TMEM131: variants seen among roughly 807,000 people sequenced by gnomAD.
TMEM131 encodes the protein 2610524E03Rik.
TMEM131 carries 66 observed loss-of-function variants against 211.6 expected under a neutral mutation model. The observed-to-expected ratio is 0.31, with a 90% confidence interval of 0.26 to 0.38. The LOEUF is 0.38. TMEM131 is among the 10% of genes least tolerant of loss of function. The pLI is 1.00. For missense variants in TMEM131, 2,036 were observed against 2,299.3 expected (o/e 0.89, Z 2.34); for synonymous variants, 844 against 841.3 (o/e 1.00, Z -0.06).
chr2:97,894,565 T>G (rs563923824), intron 3 of TMEM131, among the ~76,000 whole-genome samples: 21 of 152,324 alleles, frequency 1.4e-4, no homozygotes, highest in African/African-American at 4.6e-4. Context: ...CCTTGAGCAG[T>G]GGTTTGTAGT....
intron 10 of TMEM131, 34 bp downstream of exon 10, chr2:97,834,587 A>C (rs1682853628): frequency 2.1e-6 from 3 of 1,456,798 alleles, no homozygotes; most frequent in Middle Eastern, 2.5e-4. Context: ...AAAAAAAAAA[A>C]CTCCATAAAG....
chr2:97,912,067 CAATTT>C (rs1350428349), intron 2 of TMEM131, among the ~76,000 whole-genome samples: 1 of 152,040 alleles, frequency 6.6e-6, no homozygotes, highest in East Asian at 1.9e-4. Context: ...CTAACTATAA[CAATTT>C]AATACAAAAT....
At chr2:97,772,572 A>G (rs1679518378) in intron 32 of TMEM131, 148 bp from the exon 33 acceptor site, 1 of 1,001,020 alleles carries the variant, frequency 1.0e-6, no homozygotes, top group South Asian at 1.7e-5. Flanking sequence ...ATCTGTCTTC[A>G]CTGCGGTTCT....
chr2:97,874,285 G>A (rs1014871922), intron 4 of TMEM131, among the ~76,000 whole-genome samples: 10 of 152,226 alleles, frequency 6.6e-5, no homozygotes, highest in African/African-American at 2.4e-4. Context: ...ATGGAACCAA[G>A]CTAGAAAACA....
intron 1 of TMEM131, among the ~76,000 whole-genome samples, chr2:97,941,463 A>C (rs949789293): frequency 2.0e-5 from 3 of 152,240 alleles, no homozygotes; most frequent in African/African-American, 7.2e-5. Context: ...CAAAAGCCAA[A>C]ATTGACAGAT....
chr2:97,775,813 C>T (rs765745295), intron 32 of TMEM131, 30 bp downstream of exon 32: 8 of 1,591,582 alleles, frequency 5.0e-6, no homozygotes, highest in South Asian at 1.1e-5. Flanking sequence ...CTTTCTCCCT[C>T]GTGTTTTGTT....
At chr2:97,902,922 G>C (rs1675919154) in intron 3 of TMEM131, among the ~76,000 whole-genome samples, 1 of 152,160 alleles carries the variant, frequency 6.6e-6, no homozygotes, top group Admixed American at 6.5e-5. Context: ...TCTTCAGTTT[G>C]GGACTCAGAC....
rs114797937 is a variant in TMEM131 at position 97,900,581 on chromosome 2, C to T, written c.290+8077G>A. 3.2e-3 allele frequency among the ~76,000 whole-genome samples: 485 copies of T among 152,064 alleles called. 2 individuals carry two copies. The highest frequency in any genetic ancestry group is 0.011 in the African/African-American group (462 of 41,546). ...GAATCCACACAGACACACACACATA[C>T]ACCCCCACATTTTCATTATCCACGT... On this transcript the variant is annotated intron_variant, in intron 3 of 40. Transcript: ENST00000186436.
chr2:97,948,939 G>A (rs1021991323), intron 1 of TMEM131, among the ~76,000 whole-genome samples: 10 of 152,200 alleles, frequency 6.6e-5, no homozygotes, highest in African/African-American at 9.7e-5. Flanking sequence ...TTACAGGCGT[G>A]AGCCACCGTG....
At chr2:97,868,448 T>C (rs963367462) in intron 4 of TMEM131, among the ~76,000 whole-genome samples, 10 of 152,208 alleles carry the variant, frequency 6.6e-5, no homozygotes, top group Non-Finnish European at 8.8e-5. Flanking sequence ...GTTTAGATTA[T>C]GTATATTTAA....
intron 2 of TMEM131, among the ~76,000 whole-genome samples, chr2:97,917,231 T>C (rs543047784): frequency 7.2e-5 from 11 of 152,312 alleles, no homozygotes; most frequent in African/African-American, 2.4e-4. Context: ...ATGACCAAAG[T>C]TGAATAGTTG....
chr2:97,980,659 A>T (rs1429910608), intron 1 of TMEM131, among the ~76,000 whole-genome samples: 3 of 152,196 alleles, frequency 2.0e-5, no homozygotes, highest in Non-Finnish European at 4.4e-5. Context: ...CCCAAACTGC[A>T]AACAACCCAA....
At chr2:97,852,198 G>A (rs1673653167) in intron 5 of TMEM131, among the ~76,000 whole-genome samples, 1 of 137,896 alleles carries the variant, frequency 7.3e-6, no homozygotes, top group Non-Finnish European at 1.5e-5. Flanking sequence ...AGTTTCGCTT[G>A]ATGCCCAGGC....
chr2:97,804,616 C>A (rs1056095023), intron 22 of TMEM131, among the ~76,000 whole-genome samples: 2 of 129,054 alleles, frequency 1.5e-5, no homozygotes, highest in Admixed American at 1.6e-4. Flanking sequence ...AGTGAGACTC[C>A]GTCTCAAAAA....
intron 1 of TMEM131, among the ~76,000 whole-genome samples, chr2:97,984,780 T>C (rs1679954100): frequency 6.6e-6 from 1 of 151,646 alleles, no homozygotes. Flanking sequence ...CATATCGATA[T>C]AATAGCTTTT....
chr2:97,818,774 G>A, intron 11 of TMEM131, 53 bp from the exon 12 acceptor site: 1 of 1,224,992 alleles, frequency 8.2e-7, no homozygotes, highest in South Asian at 1.3e-5. Context: ...TAATGGTTCA[G>A]TTGCCTTATA....
chr2:97,922,871 A>G (rs1676802798), intron 2 of TMEM131, among the ~76,000 whole-genome samples: 2 of 152,246 alleles, frequency 1.3e-5, no homozygotes, highest in African/African-American at 4.8e-5. Context: ...TTAAGCATCT[A>G]TATGTAAATT....
intron 10 of TMEM131, 83 bp from the exon 11 acceptor site, chr2:97,833,509 T>A: frequency 1.5e-6 from 1 of 653,792 alleles, no homozygotes; most frequent in East Asian, 3.1e-5. Context: ...AGATATCAAA[T>A]TGAAGCTATC....
rs538591041 is a variant in TMEM131 at position 97,782,425 on chromosome 2, C to A, written c.4145-6407G>T. ...AGATCCAGTCTCAGAACATTAATAC[C>A]CAAATGGTCCAGGTTTCAATCTACA... On this transcript the variant is annotated intron_variant, in intron 31 of 40. Coordinates refer to ENST00000186436, the MANE Select transcript of TMEM131 (RefSeq NM_015348.2). Among the ~76,000 whole-genome samples, 97 of 152,212 alleles carry A rather than the reference C, an allele frequency of 6.4e-4. 1 individual carries two copies. The highest frequency in any genetic ancestry group is 2.3e-3 in the African/African-American group (94 of 41,518).
Sources: gnomAD v4.1 joint callset for allele counts (sites outside exome capture counted in the v4.1 genomes callset) on GRCh38, gnomAD v4.1.1 for gene constraint, MANE v1.5 for transcripts, NCBI Gene and HGNC (gene_info 2026-07-23, HGNC 2026-07-21) for gene names.